IL19: variants seen among roughly 807,000 people sequenced by gnomAD.
IL19 encodes interleukin-19.
In IL19, 15 loss-of-function variants were observed where a neutral mutation model predicts 19.5. The observed-to-expected ratio is 0.77, with a 90% confidence interval of 0.52 to 1.19. The LOEUF is 1.19. Ranked by LOEUF, IL19 falls within the 50% of genes most tolerant of loss-of-function variation. The pLI is 0.00. For missense variants in IL19, 199 were observed against 213.1 expected, an observed-to-expected ratio of 0.93 and a Z score of 0.41; for synonymous variants, 78 against 78.3, an observed-to-expected ratio of 1.00 and a Z score of 0.02.
chr1:206,800,958 A>G (rs2102460818), intron 2 of IL19, among the ~76,000 whole-genome samples: 1 of 152,298 alleles, frequency 6.6e-6, no homozygotes, highest in East Asian at 1.9e-4. Flanking sequence ...CCTTAGGATG[A>G]GACATTACTC....
chr1:206,795,463 T>G (rs75990707), intron 1 of IL19, among the ~76,000 whole-genome samples: 76 of 152,298 alleles, frequency 5.0e-4, no homozygotes, highest in Admixed American at 1.4e-3. Context: ...ATTGGATGCC[T>G]CAAGAGCCTG....
At chr1:206,816,924 G>A (rs913220202) in intron 2 of IL19, among the ~76,000 whole-genome samples, 1 of 152,172 alleles carries the variant, frequency 6.6e-6, no homozygotes, top group Non-Finnish European at 1.5e-5. Context: ...TAAGATAGCA[G>A]ATAAGAAAAG....
At chr1:206,835,727 G>A (rs186931111) in intron 2 of IL19, among the ~76,000 whole-genome samples, 45 of 152,368 alleles carry the variant, frequency 3.0e-4, no homozygotes, top group Middle Eastern at 3.4e-3. Flanking sequence ...CTCGTCACAT[G>A]TGTTGTCATA....
intron 4 of IL19, among the ~76,000 whole-genome samples, chr1:206,839,048 T>G (rs1676904205): frequency 6.6e-6 from 1 of 152,216 alleles, no homozygotes. Flanking sequence ...ACTCCCTGCT[T>G]AGACTGAACA....
intron 1 of IL19, among the ~76,000 whole-genome samples, chr1:206,787,925 A>T (rs747591632): frequency 2.0e-5 from 3 of 152,070 alleles, no homozygotes; most frequent in Admixed American, 6.6e-5. Flanking sequence ...GTGCAGCCCC[A>T]TCAGGTCTCG....
intron 2 of IL19, among the ~76,000 whole-genome samples, chr1:206,813,218 C>T (rs1166544477): frequency 6.6e-6 from 1 of 152,186 alleles, no homozygotes; most frequent in Non-Finnish European, 1.5e-5. Flanking sequence ...TTCTGCATTG[C>T]CAGTTGGCTC....
chr1:206,808,793 C>T (rs1400431784), intron 2 of IL19, among the ~76,000 whole-genome samples: 2 of 152,132 alleles, frequency 1.3e-5, no homozygotes, highest in African/African-American at 2.4e-5. Flanking sequence ...AAAAGGCTCC[C>T]AGCCCATTTG....
intron 1 of IL19, among the ~76,000 whole-genome samples, chr1:206,795,090 C>T (rs61048992): frequency 0.069 from 10,558 of 152,172 alleles, 408 homozygotes; most frequent in Middle Eastern, 0.075. Context: ...TCATTCTCCA[C>T]ACAAAAAGCT....
chr1:206,821,253 G>A (rs560436677), intron 2 of IL19, among the ~76,000 whole-genome samples: 32 of 152,282 alleles, frequency 2.1e-4, no homozygotes, highest in African/African-American at 7.5e-4. Flanking sequence ...TGATACTATC[G>A]AAATACCAGA....
intron 5 of IL19, 121 bp downstream of exon 5, chr1:206,840,123 A>C: frequency 8.9e-7 from 1 of 1,118,110 alleles, no homozygotes; most frequent in Non-Finnish European, 1.4e-6. Context: ...TTCTCTGCGC[A>C]CGTCCACAGG....
At chr1:206,807,994 A>G (rs1156412985) in intron 2 of IL19, among the ~76,000 whole-genome samples, 2 of 152,244 alleles carry the variant, frequency 1.3e-5, no homozygotes, top group Admixed American at 6.5e-5. Context: ...GTAAATAAAC[A>G]CATTCATTAT....
At chr1:206,775,358 T>C (rs910650324) in intron 1 of IL19, among the ~76,000 whole-genome samples, 3 of 152,222 alleles carry the variant, frequency 2.0e-5, no homozygotes, top group African/African-American at 7.2e-5. Flanking sequence ...GGCCCGGATC[T>C]GACTTCTTTA....
chr1:206,814,327 G>A (rs373611546), intron 2 of IL19, among the ~76,000 whole-genome samples: 8 of 151,710 alleles, frequency 5.3e-5, no homozygotes, highest in East Asian at 3.9e-4. Flanking sequence ...TAGCTTAGAA[G>A]AGCAGCAAGA....
At chr1:206,778,719 A>G (rs1675064192) in intron 1 of IL19, among the ~76,000 whole-genome samples, 1 of 152,224 alleles carries the variant, frequency 6.6e-6, no homozygotes, top group South Asian at 2.1e-4. Context: ...ATCTGAGAGT[A>G]AAATCATCTC....
At chr1:206,829,308 G>A (rs948476506) in intron 2 of IL19, among the ~76,000 whole-genome samples, 14 of 152,132 alleles carry the variant, frequency 9.2e-5, no homozygotes, top group Non-Finnish European at 1.9e-4. Flanking sequence ...TATGCATCTT[G>A]TATCCAGCGG....
chr1:206,789,508 A>G (rs1016654311), intron 1 of IL19, among the ~76,000 whole-genome samples: 1 of 152,144 alleles, frequency 6.6e-6, no homozygotes, highest in Non-Finnish European at 1.5e-5. Context: ...GCTGCAAAGG[A>G]CATTATTTTA....
At chr1:206,788,941 A>C (rs1349563411) in intron 1 of IL19, among the ~76,000 whole-genome samples, 2 of 152,224 alleles carry the variant, frequency 1.3e-5, no homozygotes, top group Non-Finnish European at 1.5e-5. Context: ...AGGCATTTCT[A>C]GGCAGAGGAG....
chr1:206,795,760 C>T (rs1329408031), intron 1 of IL19, among the ~76,000 whole-genome samples: 1 of 152,092 alleles, frequency 6.6e-6, no homozygotes, highest in Non-Finnish European at 1.5e-5. Context: ...CCCCCATAGC[C>T]CACTCTTGTT....
chr1:206,837,749 G>A (rs1228627947), intron 4 of IL19, among the ~76,000 whole-genome samples: 3 of 152,180 alleles, frequency 2.0e-5, no homozygotes, highest in African/African-American at 4.8e-5. Context: ...CTACTTGGGC[G>A]GCTGAGATGG....
Sources: allele counts gnomAD v4.1 joint callset (sites outside exome capture counted in the v4.1 genomes callset), GRCh38; gene constraint gnomAD v4.1.1; transcripts MANE v1.5; gene names NCBI Gene and HGNC (gene_info 2026-07-23, HGNC 2026-07-21).